ZCCHC7: variants seen among roughly 807,000 people sequenced by gnomAD.
ZCCHC7 encodes the protein zinc finger CCHC domain-containing protein 7.
A neutral mutation model predicts 52.0 loss-of-function variants in ZCCHC7; 35 were observed. That is an observed-to-expected ratio of 0.67 (90% CI 0.51 to 0.89). The LOEUF (loss-of-function observed/expected upper bound fraction) is 0.89. Among genes scored for constraint, ZCCHC7 ranks in the 40% least tolerant of loss-of-function variants. ZCCHC7 has a pLI of 0.00. For missense variants in ZCCHC7, 574 were observed against 649.1 expected (o/e 0.88, Z 1.26); for synonymous variants, 217 against 221.5 (o/e 0.98, Z 0.18).
chr9:37,315,558 A>G (rs994112237), intron 5 of ZCCHC7, among the ~76,000 whole-genome samples: 3 of 152,030 alleles, frequency 2.0e-5, no homozygotes, highest in Non-Finnish European at 2.9e-5. Flanking sequence ...TTCTCTCTGT[A>G]ATCATGGATA....
intron 6 of ZCCHC7, among the ~76,000 whole-genome samples, chr9:37,342,397 G>T (rs1482669098): frequency 6.6e-6 from 1 of 152,186 alleles, no homozygotes; most frequent in African/African-American, 2.4e-5. Context: ...GTAGAGATAC[G>T]TGAGTGTAGA....
At chr9:37,331,556 G>A (rs1830450571) in intron 6 of ZCCHC7, among the ~76,000 whole-genome samples, 1 of 151,592 alleles carries the variant, frequency 6.6e-6, no homozygotes, top group East Asian at 1.9e-4. Context: ...GAATAAGAAG[G>A]TGGTTTTGGT....
rs551495038 is a variant in ZCCHC7 at position 37,272,491 on chromosome 9, T to TAAAAAAA, written c.611-29680_611-29674dup. ...CTTTACATGTTTCAAAGCTGTGTGG[T>TAAAAAAA]AAAAAAAAAAAAAAAAAAAAAAAGA... On this transcript the variant is annotated intron_variant, in intron 2 of 8. Transcript: ENST00000336755. Among the ~76,000 whole-genome samples, 36 of 97,782 alleles carry TAAAAAAA rather than the reference T, an allele frequency of 3.7e-4. 1 individual carries two copies. The highest frequency in any genetic ancestry group is 5.2e-3 in the Middle Eastern group (1 of 192). The allele number at this position is 97,782 out of a possible 152,430, so 64.1% of individuals were successfully genotyped here. A position where few individuals can be genotyped will look rare whatever the true frequency, so the allele number is the denominator to read the frequency against.
intron 2 of ZCCHC7, among the ~76,000 whole-genome samples, chr9:37,188,162 G>A (rs1270395767): frequency 6.6e-6 from 1 of 151,078 alleles, no homozygotes; most frequent in Non-Finnish European, 1.5e-5. Context: ...TTATTTTTTT[G>A]TTTTAAGAGA....
At chr9:37,192,378 A>G (rs1273375258) in intron 2 of ZCCHC7, among the ~76,000 whole-genome samples, 2 of 152,224 alleles carry the variant, frequency 1.3e-5, no homozygotes, top group Non-Finnish European at 2.9e-5. Flanking sequence ...TTATTTCAGT[A>G]TAGCTCATTG....
intron 2 of ZCCHC7, among the ~76,000 whole-genome samples, chr9:37,292,156 T>C (rs750372981): frequency 1.1e-4 from 17 of 152,376 alleles, no homozygotes; most frequent in South Asian, 4.1e-4. Flanking sequence ...TTGCTGTCTT[T>C]ATAGTCTCAT....
At chr9:37,341,437 A>G (rs1005585911) in intron 6 of ZCCHC7, among the ~76,000 whole-genome samples, 9 of 152,182 alleles carry the variant, frequency 5.9e-5, no homozygotes, top group Non-Finnish European at 1.0e-4. Flanking sequence ...CTGAACTACT[A>G]CTATATGCCT....
At chr9:37,131,288 C>T (rs1226238726) in intron 2 of ZCCHC7, among the ~76,000 whole-genome samples, 3 of 149,274 alleles carry the variant, frequency 2.0e-5, no homozygotes, top group African/African-American at 5.0e-5. Flanking sequence ...TGCAGTGAGC[C>T]GAGATAGCGC....
At chr9:37,350,625 C>CA (rs1821322542) in intron 7 of ZCCHC7, among the ~76,000 whole-genome samples, 1 of 152,186 alleles carries the variant, frequency 6.6e-6, no homozygotes, top group Non-Finnish European at 1.5e-5. Context: ...CTGAAAAGGC[C>CA]AAACTGTGTG....
intron 3 of ZCCHC7, 84 bp from the exon 4 acceptor site, chr9:37,304,104 A>G (rs1305239286): frequency 3.8e-6 from 5 of 1,330,352 alleles, no homozygotes; most frequent in Non-Finnish European, 5.2e-6. Context: ...TTATTTGCTT[A>G]TAGTTGTCTT....
chr9:37,346,441 G>T (rs1402469191), intron 6 of ZCCHC7, among the ~76,000 whole-genome samples: 1 of 152,128 alleles, frequency 6.6e-6, no homozygotes, highest in Non-Finnish European at 1.5e-5. Context: ...TTTGGGAGGC[G>T]AAGGCAAGCA....
chr9:37,127,237 C>A (rs1323263160), intron 2 of ZCCHC7, among the ~76,000 whole-genome samples: 1 of 152,118 alleles, frequency 6.6e-6, no homozygotes, highest in African/African-American at 2.4e-5. Flanking sequence ...TCTTACTTCC[C>A]CCCTCTCTCT....
intron 2 of ZCCHC7, among the ~76,000 whole-genome samples, chr9:37,186,030 G>A (rs1041625903): frequency 2.0e-4 from 30 of 151,686 alleles, no homozygotes; most frequent in African/African-American, 6.3e-4. Flanking sequence ...ATAATATTTT[G>A]GAGATTGTAT....
At chr9:37,268,178 A>G (rs1382160390) in intron 2 of ZCCHC7, among the ~76,000 whole-genome samples, 2 of 152,194 alleles carry the variant, frequency 1.3e-5, no homozygotes, top group African/African-American at 2.4e-5. Flanking sequence ...ACAGAGCCTA[A>G]TACAAAACAA....
intron 5 of ZCCHC7, among the ~76,000 whole-genome samples, chr9:37,310,640 A>AT (rs1316540781): frequency 6.6e-6 from 1 of 152,190 alleles, no homozygotes; most frequent in African/African-American, 2.4e-5. Context: ...AAGCTTACAT[A>AT]TTGGCAATCA....
chr9:37,147,747 G>T (rs1328948211), intron 2 of ZCCHC7, among the ~76,000 whole-genome samples: 1 of 152,020 alleles, frequency 6.6e-6, no homozygotes, highest in East Asian at 1.9e-4. Flanking sequence ...TGAGTAAATT[G>T]TAAGTTAGAA....
intron 2 of ZCCHC7, among the ~76,000 whole-genome samples, chr9:37,198,133 C>G (rs970357976): frequency 6.6e-6 from 1 of 152,132 alleles, no homozygotes. Context: ...CTTACTTGTC[C>G]TAGAATCTGT....
intron 2 of ZCCHC7, among the ~76,000 whole-genome samples, chr9:37,179,221 C>T (rs1564161283): frequency 6.6e-6 from 1 of 151,992 alleles, no homozygotes; most frequent in Non-Finnish European, 1.5e-5. Flanking sequence ...TGCTGGCAGC[C>T]TTAATAATGT....
chr9:37,192,426 C>G (rs1218986009), intron 2 of ZCCHC7, among the ~76,000 whole-genome samples: 1 of 152,128 alleles, frequency 6.6e-6, no homozygotes, highest in African/African-American at 2.4e-5. Flanking sequence ...ATATTTTCTT[C>G]TTTAGATCAG....
Sources: gnomAD v4.1 joint callset for allele counts (sites outside exome capture counted in the v4.1 genomes callset) on GRCh38, gnomAD v4.1.1 for gene constraint, MANE v1.5 for transcripts, NCBI Gene and HGNC (gene_info 2026-07-23, HGNC 2026-07-21) for gene names.